The following CCDC174 variants were observed in gnomAD, a reference collection of about 807,000 sequenced individuals.
CCDC174 encodes the protein coiled-coil domain containing 174.
In CCDC174, 37 loss-of-function variants were observed where a neutral mutation model predicts 57.1. That is an observed-to-expected ratio of 0.65 (90% CI 0.50 to 0.85). The LOEUF (loss-of-function observed/expected upper bound fraction) is 0.85, where lower values mean the gene tolerates loss of function less well. Ranked by LOEUF, CCDC174 falls within the 40% of genes least tolerant of loss-of-function variation. The pLI is 0.00. For synonymous variants in CCDC174, 182 were observed against 190.2 expected (o/e 0.96, Z 0.35); for missense variants, 540 against 574.3 (o/e 0.94, Z 0.61).
intron 7 of CCDC174, 52 bp from the exon 8 acceptor site, chr3:14,667,372 A>C: frequency 1.5e-6 from 2 of 1,330,440 alleles, no homozygotes; most frequent in Non-Finnish European, 2.2e-6. Context: ...GCTTGAGTGT[A>C]GTTGAATGAT....
At chr3:14,662,662 T>C (rs2031181083) in intron 5 of CCDC174, among the ~76,000 whole-genome samples, 1 of 152,198 alleles carries the variant, frequency 6.6e-6, no homozygotes, top group Non-Finnish European at 1.5e-5. Context: ...GCCTTTGGGA[T>C]TCTTCTTATC....
chr3:14,658,904 A>G lies in CCDC174; in HGVS notation c.282A>G (p.Glu94=), dbSNP rs1328748390. ...TGGAAGAAAAAGCCAAATTATATGA[A>G]AAAATGACTAAAGGAGACTTTATAG... ...EKLEEKAKLY[E]KMTKGDFIDE... is the part of the protein sequence containing the mutation. The change falls in exon 4 of 11, where the codon GAA becomes GAG. Residue 94 remains glutamate (E), a synonymous_variant. Coordinates refer to ENST00000383794, the MANE Select transcript of CCDC174 (RefSeq NM_016474.5). 1.3e-6 allele frequency: 2 copies of G among 1,529,890 alleles called. No homozygotes were observed. Among genetic ancestry groups the G allele is most frequent in the South Asian group, 1.1e-5 (1 of 89,544 alleles). 94.8% of individuals were successfully genotyped at this position (1,529,890 alleles called of 1,614,324 possible). A position where few individuals can be genotyped will look rare whatever the true frequency, so the allele number is the denominator to read the frequency against.
At chr3:14,651,991 C>G in intron 1 of CCDC174, 113 bp downstream of exon 1, 1 of 1,041,172 alleles carries the variant, frequency 9.6e-7, no homozygotes, top group South Asian at 1.4e-5. Context: ...CCTGACCTCT[C>G]CCCTCAAACA....
intron 3 of CCDC174, among the ~76,000 whole-genome samples, chr3:14,657,469 C>T (rs150845241): frequency 0.019 from 2,920 of 152,348 alleles, 30 homozygotes; most frequent in Middle Eastern, 0.037. Flanking sequence ...ATCTTTCTAA[C>T]TCAACAGAAG....
intron 8 of CCDC174, 83 bp from the exon 9 acceptor site, chr3:14,667,966 T>C: frequency 1.4e-6 from 2 of 1,416,212 alleles, no homozygotes; most frequent in Non-Finnish European, 9.6e-7. Flanking sequence ...AACTAGTCTA[T>C]TTTTAGAAGA....
rs1020390154 is a variant in CCDC174, at chr3:14,651,780, C to G, written c.-57C>G. On this transcript the variant is annotated 5_prime_UTR_variant, in exon 1 of 11. Coordinates refer to ENST00000383794, the MANE Select transcript of CCDC174 (RefSeq NM_016474.5). ...TCCGGTTGCGACGGAGGTAGGCTTA[C>G]GAGGCCTGTGTCGGGTAGAAAGGGT... 1.3e-6 allele frequency: 2 copies of G among 1,582,016 alleles called. No homozygotes were observed. Among genetic ancestry groups the G allele is most frequent in the South Asian group, 2.2e-5 (2 of 90,252 alleles).
chr3:14,668,103 T>A lies in CCDC174; in HGVS notation c.874T>A (p.Leu292Ile). 6.2e-7 allele frequency: 1 copy of A among 1,609,730 alleles called. No homozygotes were observed. Among genetic ancestry groups the A allele is most frequent in the Non-Finnish European group, 8.5e-7 (1 of 1,178,224 alleles). The change falls in exon 9 of 11, where the codon TTA becomes ATA. Residue 292 changes from leucine to isoleucine, a missense_variant. Leu to Ile is a conservative substitution (Grantham distance 5). Coordinates refer to ENST00000383794, the MANE Select transcript of CCDC174 (RefSeq NM_016474.5). ...CATAAAGGAAAAGCGAAAGGCTATC[T>A]TAGAGGCAAGACTTGCCAAACTTCG... is the stretch of plus-strand genomic sequence containing the variant. ...ENIKEKRKAI[L>I]EARLAKLRQK...
At chr3:14,655,331 T>C (rs1287129023) in intron 2 of CCDC174, among the ~76,000 whole-genome samples, 198 bp from the exon 3 acceptor site, 1 of 151,974 alleles carries the variant, frequency 6.6e-6, no homozygotes, top group Non-Finnish European at 1.5e-5. Flanking sequence ...AAAAAAGTTA[T>C]TTATATAATT....
intron 4 of CCDC174, among the ~76,000 whole-genome samples, chr3:14,661,134 G>A (rs958979824): frequency 5.9e-5 from 9 of 152,206 alleles, no homozygotes; most frequent in African/African-American, 2.2e-4. Flanking sequence ...CACATGGTGA[G>A]ACAGATATAT....
At chr3:14,666,681 G>A in intron 6 of CCDC174, 124 bp from the exon 7 acceptor site, 2 of 724,848 alleles carry the variant, frequency 2.8e-6, no homozygotes, top group Non-Finnish European at 2.1e-6. Flanking sequence ...TGGGTCAGAA[G>A]CCTCTGTAGT....
Position 14,669,948 on chromosome 3 carries a change from G to A in CCDC174, c.967G>A (p.Gly323Arg). 1.2e-6 allele frequency: 2 copies of A among 1,613,742 alleles called. No homozygotes were observed. The highest frequency in any genetic ancestry group is 1.7e-6 in the Non-Finnish European group (2 of 1,179,864). The change falls in exon 10 of 11, where the codon GGG becomes AGG. Residue 323 changes from glycine (G) to arginine (R), a missense_variant. Transcript: ENST00000383794. The stretch of plus-strand genomic sequence containing the variant: ...ACAAAAAATAGATGGAGATGTTATT[G>A]GGCCTTTGCCACCGGAGCCAGAGGC... ...EEENRDGDVI[G>R]PLPPEPEAVP... is the part of the protein sequence containing the mutation.
chr3:14,661,147 C>T (rs78546854), intron 4 of CCDC174, among the ~76,000 whole-genome samples: 160 of 152,328 alleles, frequency 1.1e-3, no homozygotes, highest in African/African-American at 3.7e-3. Context: ...AGATATATAA[C>T]GCCTAAAGCA....
At chr3:14,666,101 C>A (rs1326728490) in intron 6 of CCDC174, among the ~76,000 whole-genome samples, 1 of 151,806 alleles carries the variant, frequency 6.6e-6, no homozygotes, top group East Asian at 1.9e-4. Context: ...CTCTCAGGGC[C>A]CAGCCATCTG....
intron 4 of CCDC174, among the ~76,000 whole-genome samples, chr3:14,659,250 G>A (rs1394873891): frequency 2.1e-5 from 3 of 142,192 alleles, no homozygotes; most frequent in East Asian, 2.4e-4. Flanking sequence ...TGAGTAGGCC[G>A]CAATTACCTA....
intron 9 of CCDC174, 54 bp downstream of exon 9, chr3:14,668,235 A>G (rs1255021965): frequency 6.6e-7 from 1 of 1,504,960 alleles, no homozygotes; most frequent in African/African-American, 1.4e-5. Context: ...ATTTCCATTG[A>G]TGTCTTGCTA....
intron 4 of CCDC174, among the ~76,000 whole-genome samples, chr3:14,660,538 C>A (rs938507417): frequency 1.5e-4 from 23 of 152,176 alleles, no homozygotes; most frequent in African/African-American, 3.4e-4. Context: ...TTATTAAAGT[C>A]TTTTCTGTTT....
intron 9 of CCDC174, among the ~76,000 whole-genome samples, chr3:14,669,346 T>C (rs920370472): frequency 6.6e-6 from 1 of 152,240 alleles, no homozygotes; most frequent in Non-Finnish European, 1.5e-5. Flanking sequence ...CTCTATAACA[T>C]GTTAAGCTGT....
intron 7 of CCDC174, 157 bp from the exon 8 acceptor site, chr3:14,667,267 T>TCGG (rs2031372252): frequency 1.5e-6 from 1 of 667,230 alleles, no homozygotes; most frequent in African/African-American, 1.8e-5. Context: ...TTGTGTTTCT[T>TCGG]TGGTTTTTTG....
At chr3:14,658,825 A>G in intron 3 of CCDC174, 46 bp from the exon 4 acceptor site, 1 of 1,523,552 alleles carries the variant, frequency 6.6e-7, no homozygotes, top group African/African-American at 1.4e-5. Flanking sequence ...AACCAGGATG[A>G]ACAGTTATAA....
Sources: gnomAD v4.1 joint callset for allele counts (sites outside exome capture counted in the v4.1 genomes callset) on GRCh38, gnomAD v4.1.1 for gene constraint, MANE v1.5 for transcripts, NCBI Gene and HGNC (gene_info 2026-07-23, HGNC 2026-07-21) for gene names.